The following SSH2 variants were observed in gnomAD, a reference collection of about 807,000 sequenced individuals.
The protein encoded by SSH2 is slingshot protein phosphatase 2, also known as protein phosphatase Slingshot homolog 2.
In SSH2, 37 loss-of-function variants were observed where a neutral mutation model predicts 135.2. That is an observed-to-expected ratio of 0.27 (90% CI 0.21 to 0.36). SSH2 has a LOEUF of 0.36. Ranked by LOEUF, SSH2 falls within the 10% of genes least tolerant of loss-of-function variation. The pLI, the probability that SSH2 is intolerant of heterozygous loss-of-function variation, is 1.00. For synonymous variants in SSH2, 628 were observed against 646.2 expected (o/e 0.97, Z 0.43); for missense variants, 1,408 against 1,765.3 (o/e 0.80, Z 3.63).
intron 3 of SSH2, among the ~76,000 whole-genome samples, chr17:29,742,485 T>TG (rs2040595499): frequency 6.9e-6 from 1 of 144,924 alleles, no homozygotes; most frequent in South Asian, 2.2e-4. Flanking sequence ...CACCCAGTTT[T>TG]TTTTTTTTTT....
At chr17:29,676,035 T>G (rs1452352657) in intron 8 of SSH2, 1 of 152,198 alleles carries the variant, frequency 6.6e-6, no homozygotes, top group Non-Finnish European at 1.5e-5. Flanking sequence ...TGATGGTTAT[T>G]AGCAAGTATA....
At chr17:29,823,370 T>C (rs1456601104) in intron 2 of SSH2, among the ~76,000 whole-genome samples, 1 of 152,216 alleles carries the variant, frequency 6.6e-6, no homozygotes, top group African/African-American at 2.4e-5. Flanking sequence ...GCAGGTATTT[T>C]CTTCACCCAC....
chr17:29,652,066 C>T lies in SSH2; in HGVS notation c.1080-1266G>A, dbSNP rs147349786. Among the ~76,000 whole-genome samples the T allele has an allele frequency of 3.5e-4, 53 of 152,118 alleles. No homozygotes were observed. The East Asian group carries it at 7.3e-3, about 21-fold the overall frequency. ...CTGAGGCAGAAGAATTGCTTGAACCCGGGAGGCGGAGGTTGCAGTGAGTCG... is the reference window on the plus strand; with the variant it reads ...CTGAGGCAGAAGAATTGCTTGAACCTGGGAGGCGGAGGTTGCAGTGAGTCG... On this transcript the variant is annotated intron_variant, in intron 12 of 15. Coordinates refer to ENST00000540801, the MANE Select transcript of SSH2 (RefSeq NM_001282129.2).
At chr17:29,698,585 A>C (rs575828674) in intron 4 of SSH2, among the ~76,000 whole-genome samples, 1 of 152,016 alleles carries the variant, frequency 6.6e-6, no homozygotes, top group East Asian at 1.9e-4. Flanking sequence ...TCCTGGGCTC[A>C]AGCAATCCTC....
At chr17:29,778,835 CAAAAAAAAAAAAAA>C (rs60595591) in intron 3 of SSH2, among the ~76,000 whole-genome samples, 3 of 37,846 alleles carry the variant, frequency 7.9e-5, no homozygotes, top group Non-Finnish European at 1.3e-4. Context: ...CTCCGTCTCC[CAAAAAAAAAAAAAA>C]AAAAAAAAAA....
rs1429739888 is a variant in SSH2, at chr17:29,913,347, A to ATATATATAT, written c.63+16590_63+16591insATATATATA. 8.7e-4 allele frequency among the ~76,000 whole-genome samples: 25 copies of ATATATATAT among 28,782 alleles called. 1 individual carries two copies. Among genetic ancestry groups the ATATATATAT allele is most frequent in the Non-Finnish European group, 1.3e-3 (22 of 16,994 alleles). The allele number at this position is 28,782 out of a possible 152,430, so 18.9% of individuals were successfully genotyped here. ...AAAAAAAAAAAAAAAAAAAAAAAAA[A>ATATATATAT]ATATATATATATATATATATATATA... On this transcript the variant is annotated intron_variant, in intron 1 of 15. Transcript: ENST00000540801.
intron 1 of SSH2, among the ~76,000 whole-genome samples, chr17:29,888,926 T>G (rs1405044909): frequency 1.9e-5 from 1 of 52,812 alleles, no homozygotes; most frequent in Admixed American, 3.3e-4. Context: ...AGTGAGACAC[T>G]ATCTCAAAAA....
rs934557661 is a variant in SSH2, at chr17:29,663,847, C to T, written c.1032+3020G>A. Among the ~76,000 whole-genome samples, 10 of 152,134 alleles carry T rather than the reference C, an allele frequency of 6.6e-5. No individual in the cohort carries two copies. The South Asian group carries it at 1.7e-3, about 25-fold the overall frequency. On this transcript the variant is annotated intron_variant, in intron 11 of 15. Coordinates refer to ENST00000540801, the MANE Select transcript of SSH2 (RefSeq NM_001282129.2). ...ATGGACTTTAGTTTACAATGATGTGCCAATGTAGAATAATGTGCTGTAACA... is the reference window on the plus strand; with the variant it reads ...ATGGACTTTAGTTTACAATGATGTGTCAATGTAGAATAATGTGCTGTAACA...
chr17:29,684,233 G>A (rs2038108300), intron 6 of SSH2, among the ~76,000 whole-genome samples: 1 of 152,140 alleles, frequency 6.6e-6, no homozygotes, highest in East Asian at 1.9e-4. Context: ...TGTAATCTCA[G>A]TACTTTGGGA....
At chr17:29,763,511 A>G (rs1348960868) in intron 3 of SSH2, among the ~76,000 whole-genome samples, 1 of 151,120 alleles carries the variant, frequency 6.6e-6, no homozygotes, top group African/African-American at 2.4e-5. Flanking sequence ...AAAAAAAAAA[A>G]GCAGGCGCGT....
intron 3 of SSH2, among the ~76,000 whole-genome samples, chr17:29,791,988 T>C (rs1305626462): frequency 1.3e-5 from 2 of 150,924 alleles, no homozygotes; most frequent in African/African-American, 4.9e-5. Context: ...AGTTGTGTGG[T>C]CTCTGCTCAC....
At chr17:29,865,224 G>A (rs2065833541) in intron 1 of SSH2, among the ~76,000 whole-genome samples, 1 of 152,202 alleles carries the variant, frequency 6.6e-6, no homozygotes, top group Non-Finnish European at 1.5e-5. Context: ...ATTAAAAGAA[G>A]TGTAAAGTAA....
intron 5 of SSH2, among the ~76,000 whole-genome samples, chr17:29,691,865 G>A (rs1188564370): frequency 2.0e-5 from 3 of 151,632 alleles, no homozygotes; most frequent in East Asian, 2.0e-4. Flanking sequence ...TCAGCCGGGC[G>A]CGGTGGCTCA....
chr17:29,793,833 A>C (rs2617882), intron 3 of SSH2, 61 bp downstream of exon 3: 651,985 of 1,381,156 alleles, frequency 0.47, 156,767 homozygotes, highest in Non-Finnish European at 0.49. Flanking sequence ...GAGAAAAAAC[A>C]ATAACTACTA....
At chr17:29,915,868 T>C (rs913773675) in intron 1 of SSH2, among the ~76,000 whole-genome samples, 3 of 151,806 alleles carry the variant, frequency 2.0e-5, no homozygotes, top group Non-Finnish European at 2.9e-5. Flanking sequence ...CTAGGGTACA[T>C]GTGCACAATG....
intron 9 of SSH2, among the ~76,000 whole-genome samples, chr17:29,671,267 C>T (rs1017083767): frequency 1.1e-4 from 17 of 151,874 alleles, no homozygotes; most frequent in Non-Finnish European, 2.1e-4. Flanking sequence ...GGACTGAGGC[C>T]AGGAGTTTAA....
intron 5 of SSH2, among the ~76,000 whole-genome samples, chr17:29,686,138 C>T (rs1007007513): frequency 2.6e-5 from 4 of 151,906 alleles, no homozygotes; most frequent in South Asian, 2.1e-4. Context: ...CGTGAGCCAC[C>T]GCGCCCAGCC....
intron 3 of SSH2, among the ~76,000 whole-genome samples, chr17:29,725,765 G>T (rs1045370494): frequency 6.6e-5 from 10 of 152,198 alleles, no homozygotes; most frequent in Non-Finnish European, 1.3e-4. Flanking sequence ...GGGGGCAAGA[G>T]GAGGGAGAGC....
intron 2 of SSH2, among the ~76,000 whole-genome samples, chr17:29,811,702 G>T (rs961156526): frequency 2.0e-5 from 3 of 152,002 alleles, no homozygotes; most frequent in Non-Finnish European, 4.4e-5. Flanking sequence ...CCAACTAGCT[G>T]GGACTACAGG....
Sources: gnomAD v4.1 joint callset for allele counts (sites outside exome capture counted in the v4.1 genomes callset) on GRCh38, gnomAD v4.1.1 for gene constraint, MANE v1.5 for transcripts, NCBI Gene and HGNC (gene_info 2026-07-23, HGNC 2026-07-21) for gene names.